The following WDFY4 variants were observed in gnomAD, a reference collection of about 807,000 sequenced individuals.
WDFY4 encodes the protein WD repeat- and FYVE domain-containing protein 4.
WDFY4 carries 169 observed loss-of-function variants against 351.9 expected under a neutral mutation model. That is an observed-to-expected ratio of 0.48 (90% CI 0.42 to 0.55). The LOEUF is 0.55. WDFY4 is among the 20% of genes least tolerant of loss of function. WDFY4 has a pLI of 0.00. For synonymous variants in WDFY4, 1,622 were observed against 1,574.6 expected, an observed-to-expected ratio of 1.03 and a Z score of -0.71; for missense variants, 3,803 against 3,935.6, an observed-to-expected ratio of 0.97 and a Z score of 0.90.
chr10:48,834,881 C>T (rs2068329212), intron 39 of WDFY4, among the ~76,000 whole-genome samples: 1 of 152,168 alleles, frequency 6.6e-6, no homozygotes, highest in African/African-American at 2.4e-5. Flanking sequence ...AGCAACAGTT[C>T]GTATGAAAGA....
intron 57 of WDFY4, among the ~76,000 whole-genome samples, chr10:48,972,436 G>A (rs929269117): frequency 6.6e-6 from 1 of 152,132 alleles, no homozygotes; most frequent in Non-Finnish European, 1.5e-5. Flanking sequence ...TGATCATTGT[G>A]TAGATATTTT....
chr10:48,955,451 C>A (rs538737028), intron 51 of WDFY4, among the ~76,000 whole-genome samples: 23 of 152,222 alleles, frequency 1.5e-4, no homozygotes, highest in Admixed American at 4.6e-4. Flanking sequence ...AGGTTCCCCC[C>A]TCTCAGAAAG....
At chr10:48,943,553 A>C (rs567714583) in intron 49 of WDFY4, 104 bp downstream of exon 49, 2 of 1,258,602 alleles carry the variant, frequency 1.6e-6, no homozygotes, top group South Asian at 1.7e-5. Context: ...GTTCCGTCAC[A>C]TGAACCTGGG....
intron 27 of WDFY4, among the ~76,000 whole-genome samples, chr10:48,806,365 G>A (rs957925493): frequency 2.0e-5 from 3 of 152,176 alleles, no homozygotes; most frequent in East Asian, 1.9e-4. Flanking sequence ...TGTGGGATCC[G>A]GGATCCTGCC....
Position 48,760,327 on chromosome 10 carries a change from G to T in WDFY4, c.2460-20G>T. ...ACTGGAAGGTCCGTGTCTCATGTCT[G>T]GCTCTCCCTCTCTCTGCAGGATGGA... On this transcript the variant is annotated intron_variant, in intron 12 of 61. Transcript: ENST00000325239. The T allele has an allele frequency of 6.5e-7, 1 of 1,550,158 alleles. No homozygotes were observed. Among genetic ancestry groups the T allele is most frequent in the Non-Finnish European group, 8.7e-7 (1 of 1,145,928 alleles).
chr10:48,799,422 C>T (rs1178851285), intron 24 of WDFY4, among the ~76,000 whole-genome samples: 2 of 150,560 alleles, frequency 1.3e-5, no homozygotes, highest in Non-Finnish European at 2.9e-5. Context: ...TGTACGTGCC[C>T]ATTGGAGGTC....
At chr10:48,781,278 ATGTG>A (rs577155140) in intron 19 of WDFY4, among the ~76,000 whole-genome samples, 1 of 150,298 alleles carries the variant, frequency 6.7e-6, no homozygotes, top group Admixed American at 6.6e-5. Flanking sequence ...ATATATATAT[ATGTG>A]TGTGTGTGTG....
chr10:48,901,167 T>C (rs1837331527), intron 46 of WDFY4, among the ~76,000 whole-genome samples: 1 of 152,224 alleles, frequency 6.6e-6, no homozygotes, highest in Non-Finnish European at 1.5e-5. Flanking sequence ...TTTGTGCTAG[T>C]TCTAGGCGCA....
At chr10:48,851,906 G>C (rs1237692988) in intron 39 of WDFY4, among the ~76,000 whole-genome samples, 1 of 152,254 alleles carries the variant, frequency 6.6e-6, no homozygotes, top group Admixed American at 6.5e-5. Flanking sequence ...GGCACTGGGA[G>C]AGCAGGGCCT....
intron 38 of WDFY4, 105 bp downstream of exon 38, chr10:48,830,990 C>A: frequency 9.0e-7 from 1 of 1,105,478 alleles, no homozygotes; most frequent in Non-Finnish European, 1.3e-6. Context: ...CCTGGACCCT[C>A]TGTCTCATCC....
chr10:48,942,019 C>A (rs1477735800), intron 48 of WDFY4, among the ~76,000 whole-genome samples, 171 bp downstream of exon 48: 1 of 152,146 alleles, frequency 6.6e-6, no homozygotes, highest in African/African-American at 2.4e-5. Context: ...AGCTGGAGTG[C>A]AGTGGCATGA....
chr10:48,838,067 A>G (rs1394217218), intron 39 of WDFY4, among the ~76,000 whole-genome samples: 2 of 152,234 alleles, frequency 1.3e-5, no homozygotes. Flanking sequence ...GCAAACTGAA[A>G]TGGCCCATGC....
intron 31 of WDFY4, among the ~76,000 whole-genome samples, chr10:48,816,690 T>C (rs1194388094): frequency 2.0e-5 from 3 of 152,182 alleles, no homozygotes; most frequent in Non-Finnish European, 4.4e-5. Context: ...TGCAAGCATT[T>C]AAAACAAAGA....
At chr10:48,755,058 A>G (rs565821368) in intron 12 of WDFY4, among the ~76,000 whole-genome samples, 110 of 152,290 alleles carry the variant, frequency 7.2e-4, no homozygotes, top group Non-Finnish European at 1.4e-3. Flanking sequence ...ATCACCTCAA[A>G]TAGCTCCCAG....
At chr10:48,957,855 C>T (rs548338828) in intron 52 of WDFY4, among the ~76,000 whole-genome samples, 108 of 152,294 alleles carry the variant, frequency 7.1e-4, no homozygotes, top group African/African-American at 2.5e-3. Context: ...TAGGAGACCA[C>T]GGTGGGTAGC....
At chr10:48,709,519 A>G (rs2063714405) in intron 1 of WDFY4, among the ~76,000 whole-genome samples, 197 bp from the exon 2 acceptor site, 1 of 152,202 alleles carries the variant, frequency 6.6e-6, no homozygotes, top group African/African-American at 2.4e-5. Context: ...CACACACTAG[A>G]TTGTGAACTT....
intron 13 of WDFY4, among the ~76,000 whole-genome samples, chr10:48,770,363 C>T (rs2065822271): frequency 1.3e-5 from 2 of 152,204 alleles, no homozygotes; most frequent in African/African-American, 4.8e-5. Flanking sequence ...ACCCAGAAGT[C>T]CCCAAAGCAA....
intron 11 of WDFY4, 175 bp downstream of exon 11, chr10:48,736,245 C>T: frequency 1.4e-6 from 1 of 701,816 alleles, no homozygotes; most frequent in South Asian, 1.7e-5. Flanking sequence ...CCTCAGTAGC[C>T]TGGTACATTT....
In WDFY4 at chr10:48,946,865, A is replaced by G. The variant is rs1485444550; in HGVS notation, c.7873A>G (p.Met2625Val). ...AGCATGTGTTTTTGTTGCAGGAGAC[A>G]TGACTGTCCAGTGCCACTACTACAC... ...FKEVEKTEGD[M>V]TVQCHYYTHY... The change falls in exon 51 of 62, where the codon ATG (methionine) becomes GTG (valine). Residue 2625 changes from methionine (M) to valine (V), a missense_variant. Coordinates refer to ENST00000325239, the MANE Select transcript of WDFY4 (RefSeq NM_001394531.1). 3 of 1,551,770 alleles carry G rather than the reference A, an allele frequency of 1.9e-6. No homozygotes were observed. Among genetic ancestry groups the G allele is most frequent in the African/African-American group, 1.4e-5 (1 of 73,030 alleles).
Sources: allele counts gnomAD v4.1 joint callset (sites outside exome capture counted in the v4.1 genomes callset), GRCh38; gene constraint gnomAD v4.1.1; transcripts MANE v1.5; gene names NCBI Gene and HGNC (gene_info 2026-07-23, HGNC 2026-07-21).